Variants in COBLL1 observed in about 807,000 individuals in gnomAD.
COBLL1 encodes cordon-bleu WH2 repeat protein like 1.
Under a neutral mutation model 94.8 loss-of-function variants are expected in COBLL1, and 50 were observed. The observed-to-expected ratio is 0.53, with a 90% CI of 0.42 to 0.67. The LOEUF (loss-of-function observed/expected upper bound fraction) is 0.67, where lower values mean the gene tolerates loss of function less well. COBLL1 is among the 30% of genes least tolerant of loss of function. The probability of loss-of-function intolerance (pLI) is 0.00; values close to 1 mark genes in which losing one functional copy is unlikely to be tolerated. For missense variants in COBLL1, 1,362 were observed against 1,348.7 expected, an observed-to-expected ratio of 1.01 and a Z score of -0.15; for synonymous variants, 448 against 473.8, an observed-to-expected ratio of 0.95 and a Z score of 0.71.
At chr2:164,704,845 G>C in intron 8 of COBLL1, 107 bp downstream of exon 8, 1 of 1,167,744 alleles carries the variant, frequency 8.6e-7, no homozygotes, top group East Asian at 2.5e-5. Context: ...TATTTAAAAA[G>C]CCTAAGTATT....
At chr2:164,775,918 A>G (rs1250969062) in intron 2 of COBLL1, among the ~76,000 whole-genome samples, 1 of 152,156 alleles carries the variant, frequency 6.6e-6, no homozygotes, top group Non-Finnish European at 1.5e-5. Context: ...GATAATGCCA[A>G]AAGTGAACTT....
chr2:164,785,684 A>T (rs1221270788), intron 2 of COBLL1, among the ~76,000 whole-genome samples: 1 of 152,178 alleles, frequency 6.6e-6, no homozygotes, highest in Non-Finnish European at 1.5e-5. Flanking sequence ...CTATGGCAAC[A>T]AAAATAAACT....
chr2:164,698,489 GT>G (rs1268513008), intron 11 of COBLL1, among the ~76,000 whole-genome samples: 40 of 151,244 alleles, frequency 2.6e-4, no homozygotes, highest in Non-Finnish European at 2.5e-4. Flanking sequence ...TCTTAACCTA[GT>G]TTTCTAGATT....
intron 12 of COBLL1, 65 bp from the exon 13 acceptor site, chr2:164,692,462 A>G (rs765071098): frequency 7.0e-5 from 90 of 1,281,062 alleles, no homozygotes; most frequent in Non-Finnish European, 9.6e-5. Context: ...TTTTTGCAAA[A>G]CATTTTCATC....
At chr2:164,757,261 A>C (rs1466172870) in intron 2 of COBLL1, among the ~76,000 whole-genome samples, 1 of 152,206 alleles carries the variant, frequency 6.6e-6, no homozygotes. Context: ...TACCTAGTTC[A>C]ATCACATTTA....
chr2:164,707,030 T>C (rs1239207735), intron 7 of COBLL1, among the ~76,000 whole-genome samples: 1 of 152,156 alleles, frequency 6.6e-6, no homozygotes, highest in Non-Finnish European at 1.5e-5. Flanking sequence ...GCTCTTCAAA[T>C]GTGCCGGCAG....
intron 2 of COBLL1, among the ~76,000 whole-genome samples, chr2:164,756,090 GGA>G (rs138711663): frequency 1.1e-3 from 157 of 149,146 alleles, no homozygotes; most frequent in African/African-American, 1.8e-3. Flanking sequence ...AGGGAGGGAG[GGA>G]GAGAGAGAGA....
rs1335740719 is a variant in COBLL1 at position 164,684,330 on chromosome 2, C to A, written c.*1616G>T. 1 of 152,012 alleles carries A rather than the reference C, an allele frequency of 6.6e-6. No individual in the cohort carries two copies. Among genetic ancestry groups the A allele is most frequent in the African/African-American group, 2.4e-5 (1 of 41,412 alleles). 9.4% of individuals were successfully genotyped at this position (152,012 alleles called of 1,614,324 possible). A position where few individuals can be genotyped will look rare whatever the true frequency, so the allele number is the denominator to read the frequency against. On this transcript the variant is annotated 3_prime_UTR_variant, in exon 14 of 14. Coordinates refer to ENST00000652658, the MANE Select transcript of COBLL1 (RefSeq NM_001365672.2). ...TGAAAACATCTTACATGTCGCTTGT[C>A]TTTAAGTCTTCAATCCAACTCAAAA...
intron 2 of COBLL1, among the ~76,000 whole-genome samples, chr2:164,805,301 C>G (rs867307346): frequency 0.011 from 231 of 21,636 alleles, 29 homozygotes; most frequent in African/African-American, 0.015. Context: ...CTCTCTCTCT[C>G]TCTCTCTCTC....
At position 164,761,004 on chromosome 2, in the gene COBLL1, A is replaced by C. The variant is rs2105221235; in HGVS notation, c.42-17129T>G. On this transcript the variant is annotated intron_variant, in intron 2 of 13. Transcript: ENST00000652658. ...CTGTTGTTCTATTTAATGGCTAATTACTAAAGAAGTCCTACCCACACAAGA... is the reference window on the plus strand; with the variant it reads ...CTGTTGTTCTATTTAATGGCTAATTCCTAAAGAAGTCCTACCCACACAAGA... 1.3e-5 allele frequency among the ~76,000 whole-genome samples: 2 copies of C among 152,346 alleles called. 1 individual carries two copies. Among genetic ancestry groups the C allele is most frequent in the African/African-American group, 4.8e-5 (2 of 41,582 alleles).
chr2:164,760,833 G>GT (rs1225088116), intron 2 of COBLL1, among the ~76,000 whole-genome samples: 2 of 152,170 alleles, frequency 1.3e-5, no homozygotes, highest in Non-Finnish European at 1.5e-5. Flanking sequence ...TATAACACAT[G>GT]TTGGCTTCAG....
rs756073334 is a variant in COBLL1, at chr2:164,743,752, A to G, written c.165T>C (p.Asp55=). 3.1e-6 allele frequency: 5 copies of G among 1,613,644 alleles called. No homozygotes were observed. The South Asian group carries it at 5.5e-5, about 18-fold the overall frequency. Residue 55 remains aspartate (D), a synonymous_variant, in exon 3 of 14, where the codon GAT becomes GAC. Coordinates refer to ENST00000652658, the MANE Select transcript of COBLL1 (RefSeq NM_001365672.2). ...GGACCACTGAGAGTTCAACGTCTTT[A>G]TCTATCATGTTTTCTTTCTGTTCCA... ...FIMEQKENMI[D]KDVELSVVLP...
rs148061225 is a variant in COBLL1 at position 164,768,093 on chromosome 2, A to C, written c.42-24218T>G. 2.7e-3 allele frequency among the ~76,000 whole-genome samples: 416 copies of C among 152,274 alleles called. 1 individual carries two copies. The highest frequency in any genetic ancestry group is 9.3e-3 in the African/African-American group (385 of 41,562). On this transcript the variant is annotated intron_variant, in intron 2 of 13. Coordinates refer to ENST00000652658, the MANE Select transcript of COBLL1 (RefSeq NM_001365672.2). ...TCACTAGATGCAGGATTGCTGGAGA[A>C]CTGTGATCCATACACTGACAAACCT...
intron 2 of COBLL1, among the ~76,000 whole-genome samples, chr2:164,835,732 G>A (rs1335935310): frequency 2.0e-5 from 3 of 152,174 alleles, no homozygotes; most frequent in African/African-American, 4.8e-5. Context: ...GACATAGTTT[G>A]CTGACCCATA....
chr2:164,675,007 T>G (rs1460467501), intron 1 of COBLL1, among the ~76,000 whole-genome samples: 1 of 152,218 alleles, frequency 6.6e-6, no homozygotes. Context: ...TTCTTATTTC[T>G]TTATGACCAC....
intron 3 of COBLL1, among the ~76,000 whole-genome samples, chr2:164,732,281 C>T (rs1339933304): frequency 6.6e-6 from 1 of 152,158 alleles, no homozygotes; most frequent in African/African-American, 2.4e-5. Flanking sequence ...AAGAGTTTTA[C>T]ATCCTTCTTT....
intron 9 of COBLL1, chr2:164,703,081 C>T (rs1279566078): frequency 7.0e-7 from 1 of 1,421,404 alleles, no homozygotes; most frequent in South Asian, 1.2e-5. Flanking sequence ...AAAGCACCAG[C>T]CAGGAAAGGC....
At chr2:164,701,047 A>T (rs7590140) in intron 9 of COBLL1, among the ~76,000 whole-genome samples, 15,127 of 152,242 alleles carry the variant, frequency 0.099, 950 homozygotes, top group African/African-American at 0.18. Flanking sequence ...TCATTTAAGA[A>T]ATGTCTTACA....
chr2:164,752,640 A>C (rs1687184763), intron 2 of COBLL1, among the ~76,000 whole-genome samples: 3 of 152,110 alleles, frequency 2.0e-5, no homozygotes. Flanking sequence ...AACCCACCAA[A>C]TCCACTCCCC....
Sources: gnomAD v4.1 joint callset for allele counts (sites outside exome capture counted in the v4.1 genomes callset) on GRCh38, gnomAD v4.1.1 for gene constraint, MANE v1.5 for transcripts, NCBI Gene and HGNC (gene_info 2026-07-23, HGNC 2026-07-21) for gene names.